The following U2AF2 variants were observed in gnomAD, a reference collection of about 807,000 sequenced individuals.
The protein encoded by U2AF2 is splicing factor U2AF 65 kDa subunit.
U2AF2 carries 6 observed loss-of-function variants against 52.6 expected under a neutral mutation model. That is an observed-to-expected ratio of 0.11 (90% CI 0.06 to 0.23). U2AF2 has a LOEUF of 0.23. Among genes scored for constraint, U2AF2 ranks in the 10% least tolerant of loss-of-function variants. The pLI, the probability that U2AF2 is intolerant of heterozygous loss-of-function variation, is 1.00. For synonymous variants in U2AF2, 284 were observed against 258.2 expected (o/e 1.10, Z -0.96); for missense variants, 222 against 677.1 (o/e 0.33, Z 7.46).
intron 1 of U2AF2, 85 bp downstream of exon 1, chr19:55,655,238 C>T (rs915339174): frequency 1.4e-6 from 2 of 1,466,084 alleles, no homozygotes; most frequent in Non-Finnish European, 1.9e-6. Flanking sequence ...CCCTCGCTTC[C>T]CCCCACTTCA....
In U2AF2 at chr19:55,661,020, C is replaced by A. The variant is rs1984154593; in HGVS notation, c.335-18C>A. 6.4e-7 allele frequency: 1 copy of A among 1,566,482 alleles called. No individual in the cohort carries two copies. The highest frequency in any genetic ancestry group is 8.7e-7 in the Non-Finnish European group (1 of 1,147,160). ...ATTCCCCTGATGGGGTTTTATCCGG[C>A]TTTTATTCCCTTTGAAGCTGCGGGT... On this transcript the variant is annotated intron_variant, in intron 4 of 11. Transcript: ENST00000308924.
At position 55,660,496 on chromosome 19, in the gene U2AF2, T is replaced by TGGCCGGC; in HGVS notation, c.231-20_231-19insGGCCGGC. The TGGCCGGC allele has an allele frequency of 1.1e-6, 1 of 894,578 alleles. No homozygotes were observed. The highest frequency in any genetic ancestry group is 1.8e-6 in the Non-Finnish European group (1 of 553,304). 55.4% of individuals were successfully genotyped at this position (894,578 alleles called of 1,614,324 possible). ...AGACTGAGGTTGCCCTGCCCCGCTC[T>TGGCCGGC]CCCCTCCCACCTCCCCCAGTCGTTC... On this transcript the variant is annotated intron_variant, in intron 3 of 11. Transcript: ENST00000308924.
At chr19:55,666,053 GTTATGGATC>G (rs1984530816) in intron 7 of U2AF2, among the ~76,000 whole-genome samples, 1 of 152,348 alleles carries the variant, frequency 6.6e-6, no homozygotes, top group Admixed American at 6.5e-5. Flanking sequence ...GGAACCGTGG[GTTATGGATC>G]TAAGGTTGCT....
chr19:55,658,496 G>C (rs563515285), intron 1 of U2AF2, among the ~76,000 whole-genome samples: 1 of 152,146 alleles, frequency 6.6e-6, no homozygotes, highest in Non-Finnish European at 1.5e-5. Context: ...CGCCTTTACA[G>C]TCTCTTCAGT....
intron 1 of U2AF2, among the ~76,000 whole-genome samples, chr19:55,655,820 A>G (rs1983757626): frequency 6.6e-6 from 1 of 152,246 alleles, no homozygotes; most frequent in African/African-American, 2.4e-5. Flanking sequence ...GCCTAAAAGC[A>G]TCTGCATTCT....
chr19:55,673,469 G>A (rs956378582), intron 11 of U2AF2, among the ~76,000 whole-genome samples: 4 of 152,164 alleles, frequency 2.6e-5, no homozygotes, highest in Non-Finnish European at 4.4e-5. Context: ...AGCTCGAATA[G>A]ATCAAGGTTC....
At position 55,667,461 on chromosome 19, in the gene U2AF2, T is replaced by C. The variant is rs550193184; in HGVS notation, c.743-1046T>C. 1.3e-4 allele frequency among the ~76,000 whole-genome samples: 20 copies of C among 152,284 alleles called. No homozygotes were observed. The South Asian group carries it at 4.1e-3, about 32-fold the overall frequency. ...GGCGTCAAGTTACATTGGCAGAGCCTGTGGGGTCTCAGGTTGAATCATCCC... is the reference window on the plus strand; with the variant it reads ...GGCGTCAAGTTACATTGGCAGAGCCCGTGGGGTCTCAGGTTGAATCATCCC... On this transcript the variant is annotated intron_variant, in intron 7 of 11. Coordinates refer to ENST00000308924, the MANE Select transcript of U2AF2 (RefSeq NM_007279.3).
intron 7 of U2AF2, among the ~76,000 whole-genome samples, chr19:55,665,998 G>A (rs1391299152): frequency 6.6e-6 from 1 of 152,244 alleles, no homozygotes; most frequent in East Asian, 1.9e-4. Flanking sequence ...TCACTGTGCA[G>A]CGCCTCCTTC....
intron 9 of U2AF2, 75 bp from the exon 10 acceptor site, chr19:55,669,008 G>T: frequency 1.3e-6 from 2 of 1,549,710 alleles, no homozygotes; most frequent in Non-Finnish European, 1.8e-6. Context: ...CCCCGGCTTG[G>T]GGGTAGGTGT....
At chr19:55,659,920 C>G (rs1171108578) in intron 2 of U2AF2, among the ~76,000 whole-genome samples, 1 of 152,186 alleles carries the variant, frequency 6.6e-6, no homozygotes, top group Non-Finnish European at 1.5e-5. Context: ...GTCCTCCTGC[C>G]TCCTCCCGGC....
intron 7 of U2AF2, among the ~76,000 whole-genome samples, chr19:55,666,620 G>A (rs1332115297): frequency 1.3e-5 from 2 of 152,220 alleles, no homozygotes; most frequent in African/African-American, 4.8e-5. Flanking sequence ...TCTCACACAC[G>A]TGGCTCACAC....
intron 2 of U2AF2, 106 bp from the exon 3 acceptor site, chr19:55,660,071 G>A: frequency 1.9e-6 from 2 of 1,078,462 alleles, no homozygotes; most frequent in East Asian, 2.6e-5. Context: ...GTTGACCTCG[G>A]CCCTGCTCCC....
intron 2 of U2AF2, 116 bp downstream of exon 2, chr19:55,659,461 C>T (rs1004038535): frequency 3.8e-5 from 49 of 1,277,480 alleles, no homozygotes; most frequent in East Asian, 9.3e-5. Flanking sequence ...GTGGCTCGTT[C>T]GTTCTTTGTG....
At chr19:55,669,921 C>A (rs1984784752) in intron 11 of U2AF2, among the ~76,000 whole-genome samples, 1 of 152,182 alleles carries the variant, frequency 6.6e-6, no homozygotes, top group Non-Finnish European at 1.5e-5. Context: ...GTTTGTGGCC[C>A]TGTGGGGGCC....
In U2AF2 at chr19:55,659,252, G is replaced by A. The variant is rs779556209; in HGVS notation, c.92G>A (p.Arg31His). The change falls in exon 2 of 12, where the codon CGC becomes CAC. Residue 31 changes from arginine to histidine, a missense_variant. By Grantham distance (29) the Arg-to-His change is conservative. Coordinates refer to ENST00000308924, the MANE Select transcript of U2AF2 (RefSeq NM_007279.3). ...CGGCATCGGAAGCGCAGCCACAGCC[G>A]CTCTCGGAGCCGGGACCGCAAACGC... Reference protein sequence around the residue: ...ENRHRKRSHSRSRSRDRKRRS... With the variant: ...ENRHRKRSHSHSRSRDRKRRS... 6 of 1,601,550 alleles carry A rather than the reference G, an allele frequency of 3.7e-6. No individual in the cohort carries two copies. The highest frequency in any genetic ancestry group is 2.2e-5 in the South Asian group (2 of 90,094).
intron 11 of U2AF2, among the ~76,000 whole-genome samples, chr19:55,672,449 C>A (rs184943634): frequency 6.6e-6 from 1 of 152,228 alleles, no homozygotes; most frequent in East Asian, 1.9e-4. Context: ...GATAACTTCT[C>A]TGTGGGGGCC....
intron 1 of U2AF2, among the ~76,000 whole-genome samples, chr19:55,655,625 G>C (rs1983740204): frequency 6.6e-6 from 1 of 152,214 alleles, no homozygotes; most frequent in African/African-American, 2.4e-5. Flanking sequence ...GAACTTGGTG[G>C]GGGGGCCCCT....
At chr19:55,667,015 G>A (rs903405154) in intron 7 of U2AF2, among the ~76,000 whole-genome samples, 7 of 152,174 alleles carry the variant, frequency 4.6e-5, no homozygotes, top group Non-Finnish European at 1.0e-4. Flanking sequence ...TGGCCCATGG[G>A]GTGAGTGCCC....
intron 5 of U2AF2, 114 bp downstream of exon 5, chr19:55,661,303 C>T (rs912751724): frequency 2.5e-6 from 3 of 1,191,600 alleles, no homozygotes; most frequent in Non-Finnish European, 1.1e-6. Context: ...CTGCAAGACC[C>T]CCCGGCCCCC....
Sources: gnomAD v4.1 joint callset for allele counts (sites outside exome capture counted in the v4.1 genomes callset) on GRCh38, gnomAD v4.1.1 for gene constraint, MANE v1.5 for transcripts, NCBI Gene and HGNC (gene_info 2026-07-23, HGNC 2026-07-21) for gene names.